Variants in CCNF observed in about 807,000 individuals in gnomAD.
CCNF encodes the protein cyclin-F.
Under a neutral mutation model 85.4 loss-of-function variants are expected in CCNF, and 30 were observed. That is an observed-to-expected ratio of 0.35 (90% CI 0.26 to 0.48). The LOEUF (loss-of-function observed/expected upper bound fraction) is 0.48, where lower values mean the gene tolerates loss of function less well. CCNF is among the 20% of genes least tolerant of loss of function. CCNF has a pLI of 0.99. For missense variants in CCNF, 919 were observed against 1,010.4 expected (o/e 0.91, Z 1.23); for synonymous variants, 439 against 425.1 (o/e 1.03, Z -0.40).
intron 15 of CCNF, among the ~76,000 whole-genome samples, chr16:2,454,073 C>T (rs780069269): frequency 6.6e-6 from 1 of 152,228 alleles, no homozygotes; most frequent in Non-Finnish European, 1.5e-5. Flanking sequence ...ACAGGGCCCT[C>T]CCTGTGCTGC....
chr16:2,434,135 G>C (rs1009995107), intron 3 of CCNF, among the ~76,000 whole-genome samples: 6 of 151,660 alleles, frequency 4.0e-5, no homozygotes, highest in African/African-American at 1.5e-4. Flanking sequence ...GCAAAACCCT[G>C]TCTCTATTAA....
chr16:2,441,347 G>C (rs1278563303), intron 8 of CCNF, among the ~76,000 whole-genome samples: 1 of 152,138 alleles, frequency 6.6e-6, no homozygotes, highest in Non-Finnish European at 1.5e-5. Flanking sequence ...AGAGAGCCGT[G>C]ATCGCAACAT....
chr16:2,429,462 G>C lies in CCNF; in HGVS notation c.-20G>C. 1 of 1,224,280 alleles carries C rather than the reference G, an allele frequency of 8.2e-7. No homozygotes were observed. The highest frequency in any genetic ancestry group is 1.0e-6 in the Non-Finnish European group (1 of 983,748). 75.8% of individuals were successfully genotyped at this position (1,224,280 alleles called of 1,614,324 possible). ...GCGCGCTCTCAGGCGGGCTCCGGCG[G>C]CAGCGACGCGAGCGCGGCGATGGGG... On this transcript the variant is annotated 5_prime_UTR_variant, in exon 1 of 17. Transcript: ENST00000397066.
chr16:2,447,576 T>A, intron 10 of CCNF, among the ~76,000 whole-genome samples: 1 of 151,744 alleles, frequency 6.6e-6, no homozygotes, highest in Non-Finnish European at 1.5e-5. Context: ...GGCGCAAGAC[T>A]CTGTCTCAAA....
Position 2,456,642 on chromosome 16 carries a change from G to A in CCNF, c.1983G>A (p.Glu661=). 6.2e-7 allele frequency: 1 copy of A among 1,612,874 alleles called. No individual in the cohort carries two copies. Among genetic ancestry groups the A allele is most frequent in the Non-Finnish European group, 8.5e-7 (1 of 1,179,614 alleles). Residue 661 remains glutamate, a synonymous_variant, in exon 17 of 17, where the codon GAG becomes GAA. Transcript: ENST00000397066. This position sits in a 1 kb window ranked among gnomAD's most constrained non-coding sequence, Gnocchi z 4.5. ...CCAGTGATGAGGAGGCTTGTCCAGA[G>A]GACAAGGGACCCCAGGACCCACAGG... ...QESSDEEACP[E]DKGPQDPQAL... is the part of the protein sequence containing the mutation.
rs1327379801 is a variant in CCNF, at chr16:2,429,514, G to T, written c.16+17G>T. Reference sequence around the variant, plus strand: ...GCGGCGGCGGTGAGTGCGGGGCGATGTCCGCTGGTTTCTGCCCCACACCCC... The same window carrying T: ...GCGGCGGCGGTGAGTGCGGGGCGATTTCCGCTGGTTTCTGCCCCACACCCC... On this transcript the variant is annotated intron_variant, in intron 1 of 16. Transcript: ENST00000397066. 1.6e-6 allele frequency: 2 copies of T among 1,230,966 alleles called. No homozygotes were observed. The highest frequency in any genetic ancestry group is 1.0e-6 in the Non-Finnish European group (1 of 986,486). The allele number at this position is 1,230,966 out of a possible 1,614,324, so 76.3% of individuals were successfully genotyped here. A position where few individuals can be genotyped will look rare whatever the true frequency, so the allele number is the denominator to read the frequency against.
Position 2,442,662 on chromosome 16 carries a change from TATA to T in CCNF, c.778-983_778-981del, listed in dbSNP as rs1214289514. The stretch of plus-strand genomic sequence containing the variant: ...TAATATAATATTATTATATATAATA[TATA>T]ATATTATATATAATATCATATTATT... On this transcript the variant is annotated intron_variant, in intron 8 of 16. Coordinates refer to ENST00000397066, the MANE Select transcript of CCNF (RefSeq NM_001761.3). Among the ~76,000 whole-genome samples the T allele has an allele frequency of 8.9e-5, 2 of 22,350 alleles. 1 individual carries two copies. Among genetic ancestry groups the T allele is most frequent in the Non-Finnish European group, 1.2e-4 (2 of 16,996 alleles). 14.7% of individuals were successfully genotyped at this position (22,350 alleles called of 152,430 possible). A position where few individuals can be genotyped will look rare whatever the true frequency, so the allele number is the denominator to read the frequency against.
intron 10 of CCNF, 90 bp downstream of exon 10, chr16:2,445,712 T>C (rs2065358353): frequency 2.4e-6 from 3 of 1,225,812 alleles, no homozygotes; most frequent in Non-Finnish European, 3.3e-6. Context: ...CTCACTGGTT[T>C]GGTTTTGTTT....
intron 15 of CCNF, among the ~76,000 whole-genome samples, chr16:2,454,698 G>A (rs919199814): frequency 1.3e-4 from 20 of 152,174 alleles, no homozygotes; most frequent in African/African-American, 2.4e-4. Context: ...TGTCAGCACC[G>A]CCCAAGGCCA....
chr16:2,453,215 A>C lies in CCNF; in HGVS notation c.1493A>C (p.His498Pro). Residue 498 changes from histidine (H) to proline (P), a missense_variant, in exon 14 of 17, where the codon CAT becomes CCT. Physicochemically the swap from His to Pro is moderately conservative, Grantham distance 77 (BLOSUM62 -2). Around this residue, in one of 3 missense-constraint regions of CCNF, gnomAD observed 505 missense variants for 514.8 expected, o/e 0.98. Transcript: ENST00000397066. The surrounding 1 kb of genome is among the most constrained non-coding windows in gnomAD (Gnocchi z 5.6). ...CCACGTGACTCTGTTTCCAGCTTCC[A>C]TGATGACGCCCCCAAGGACTACAGG... Reference protein sequence around the residue: ...CVLSLHKKCFHDDAPKDYRQV... With the variant: ...CVLSLHKKCFPDDAPKDYRQV... 6.2e-7 allele frequency: 1 copy of C among 1,613,676 alleles called. No homozygotes were observed.
rs1300983345 is a variant in CCNF, at chr16:2,452,152, G to A, written c.1488-1058G>A. Among the ~76,000 whole-genome samples the A allele has an allele frequency of 6.6e-6, 1 of 152,230 alleles. No homozygotes were observed. The highest frequency in any genetic ancestry group is 1.9e-4 in the East Asian group (1 of 5,202). On this transcript the variant is annotated intron_variant, in intron 13 of 16. Transcript: ENST00000397066. The surrounding 1 kb of genome is among the most constrained non-coding windows in gnomAD (Gnocchi z 4.1). ...ACACTGTGGCAGCCGCCCCGCACAT[G>A]TCCCGTGTACGTCACCCAGGGCCTC...
At chr16:2,454,270 C>A (rs1322359064) in intron 15 of CCNF, among the ~76,000 whole-genome samples, 2 of 152,190 alleles carry the variant, frequency 1.3e-5, no homozygotes, top group African/African-American at 4.8e-5. Context: ...CAGCCAAAGC[C>A]CCTGCTGCTG....
intron 15 of CCNF, among the ~76,000 whole-genome samples, chr16:2,454,711 C>T (rs374228248): frequency 2.0e-5 from 3 of 152,322 alleles, no homozygotes; most frequent in South Asian, 4.1e-4. Context: ...CAAGGCCAGG[C>T]CATTCCATGC....
intron 2 of CCNF, among the ~76,000 whole-genome samples, chr16:2,432,501 G>A (rs573998478): frequency 2.0e-5 from 3 of 152,234 alleles, no homozygotes; most frequent in East Asian, 1.9e-4. Flanking sequence ...TTGGCCCAGC[G>A]CTTAGGCTCC....
At chr16:2,449,497 G>A (rs780251759) in intron 12 of CCNF, 35 bp downstream of exon 12, 44 of 1,577,854 alleles carry the variant, frequency 2.8e-5, no homozygotes, top group South Asian at 2.0e-4. Context: ...TGCCTGTGTC[G>A]GGGAAGGTGC....
rs1400429107 is a variant in CCNF at position 2,453,232 on chromosome 16, G to A, written c.1510G>A (p.Asp504Asn). 6.2e-7 allele frequency: 1 copy of A among 1,613,770 alleles called. No homozygotes were observed. The highest frequency in any genetic ancestry group is 8.5e-7 in the Non-Finnish European group (1 of 1,180,022). ...CAGCTTCCATGATGACGCCCCCAAGGACTACAGGCAAGTCTCTCTGACCGC... is the reference window on the plus strand; with the variant it reads ...CAGCTTCCATGATGACGCCCCCAAGAACTACAGGCAAGTCTCTCTGACCGC... ...KKCFHDDAPKDYRQVSLTAVK... is the reference protein window; with the variant it reads ...KKCFHDDAPKNYRQVSLTAVK... The change falls in exon 14 of 17, where the codon GAC becomes AAC. Residue 504 changes from aspartate to asparagine, a missense_variant. Physicochemically the swap from Asp to Asn is conservative, Grantham distance 23. Around this residue, in one of 3 missense-constraint regions of CCNF, gnomAD observed 505 missense variants for 514.8 expected, o/e 0.98. Transcript: ENST00000397066. This position sits in a 1 kb window ranked among gnomAD's most constrained non-coding sequence, Gnocchi z 5.6.
rs756190522 is a variant in CCNF at position 2,453,533 on chromosome 16, A to G, written c.1711A>G (p.Lys571Glu). ...FLSSPSGRRT[K>E]RKRENSLQED... ...CAGCTCTCCCTCGGGGCGGAGAACC[A>G]AACGGTTAGTTACCCTGCGTTCTGG... Residue 571 changes from lysine (K) to glutamate (E), a missense_variant, in exon 15 of 17, where the codon AAA becomes GAA. Transcript: ENST00000397066. This position sits in a 1 kb window ranked among gnomAD's most constrained non-coding sequence, Gnocchi z 5.6. 7 of 1,613,982 alleles carry G rather than the reference A, an allele frequency of 4.3e-6. No homozygotes were observed. Among genetic ancestry groups the G allele is most frequent in the Non-Finnish European group, 5.9e-6 (7 of 1,179,998 alleles).
chr16:2,443,929 T>TC (rs2065346691), intron 9 of CCNF, 129 bp downstream of exon 9: 1 of 786,726 alleles, frequency 1.3e-6, no homozygotes, highest in Admixed American at 3.0e-5. Context: ...TCACCCTTTT[T>TC]TTTTTTTTGA....
At chr16:2,439,596 G>T in intron 7 of CCNF, 139 bp downstream of exon 7, 3 of 891,916 alleles carry the variant, frequency 3.4e-6, no homozygotes, top group Non-Finnish European at 5.4e-6. Context: ...GGAACCACTG[G>T]TCAGTCGGCT....
Sources: allele counts gnomAD v4.1 joint callset (sites outside exome capture counted in the v4.1 genomes callset), GRCh38; gene constraint gnomAD v4.1.1; regional missense constraint gnomAD v4.1.1; non-coding constraint Gnocchi (gnomAD v3.1); transcripts MANE v1.5; gene names NCBI Gene and HGNC (gene_info 2026-07-23, HGNC 2026-07-21).